UPB1: variants seen among roughly 807,000 people sequenced by gnomAD.
UPB1 encodes beta-ureidopropionase.
In UPB1, 40 loss-of-function variants were observed where a neutral mutation model predicts 49.1. The ratio of observed to expected loss-of-function variants is 0.81; its 90% CI spans 0.63 to 1.06. UPB1 has a LOEUF of 1.06. Among genes scored for constraint, UPB1 ranks in the 50% least tolerant of loss-of-function variants. The pLI is 0.00. For missense variants in UPB1, 499 were observed against 505.9 expected (o/e 0.99, Z 0.13); for synonymous variants, 207 against 198.2 (o/e 1.04, Z -0.38).
At chr22:24,513,733 A>G (rs1188718706) in intron 5 of UPB1, among the ~76,000 whole-genome samples, 1 of 152,230 alleles carries the variant, frequency 6.6e-6, no homozygotes, top group Non-Finnish European at 1.5e-5. Flanking sequence ...AATGGGGCAT[A>G]TATTTTTTTA....
rs1050860697 is a variant in UPB1, at chr22:24,525,700, T to C, written c.1072-11T>C. ...CAGAACCTCTAAAGTACATCTGTGT[T>C]TTGCTTTCAGATGACGGGCAGGTAT... is the stretch of plus-strand genomic sequence containing the variant. On this transcript the variant is annotated splice_polypyrimidine_tract_variant and intron_variant, in intron 9 of 9. Transcript: ENST00000326010. 6 of 1,614,000 alleles carry C rather than the reference T, an allele frequency of 3.7e-6. No homozygotes were observed. The African/African-American group carries it at 8.0e-5, about 22-fold the overall frequency.
intron 9 of UPB1, 78 bp downstream of exon 9, chr22:24,523,851 G>C: frequency 6.2e-7 from 1 of 1,604,492 alleles, no homozygotes; most frequent in East Asian, 2.2e-5. Context: ...GCTGTTGCGG[G>C]GTTGCCCATG....
chr22:24,502,109 C>A lies in UPB1; in HGVS notation c.277-17C>A, dbSNP rs765696813. On this transcript the variant is annotated splice_polypyrimidine_tract_variant and intron_variant, in intron 2 of 9. Coordinates refer to ENST00000326010, the MANE Select transcript of UPB1 (RefSeq NM_016327.3). ...CCAATAGAACTAAATGGATTCTAATCCTTTTTAAATTCTCAGGTCTCTGCC... is the reference window on the plus strand; with the variant it reads ...CCAATAGAACTAAATGGATTCTAATACTTTTTAAATTCTCAGGTCTCTGCC... The A allele has an allele frequency of 2.5e-6, 4 of 1,613,850 alleles. 1 individual carries two copies. The South Asian group carries it at 3.3e-5, about 13-fold the overall frequency.
At position 24,502,122 on chromosome 22, in the gene UPB1, T is replaced by G. The variant is rs753071301; in HGVS notation, c.277-4T>G. On this transcript the variant is annotated splice_region_variant and splice_polypyrimidine_tract_variant and intron_variant, in intron 2 of 9. Coordinates refer to ENST00000326010, the MANE Select transcript of UPB1 (RefSeq NM_016327.3). ...ATGGATTCTAATCCTTTTTAAATTC[T>G]CAGGTCTCTGCCCTTCATAGACGCA... The G allele has an allele frequency of 6.2e-7, 1 of 1,614,170 alleles. No homozygotes were observed. Among genetic ancestry groups the G allele is most frequent in the Non-Finnish European group, 8.5e-7 (1 of 1,179,996 alleles).
chr22:24,514,285 A>G (rs980621609), intron 5 of UPB1, among the ~76,000 whole-genome samples: 3 of 152,098 alleles, frequency 2.0e-5, no homozygotes, highest in African/African-American at 4.8e-5. Context: ...CCAGGGAGAA[A>G]GAAGAACCCA....
chr22:24,513,545 A>T, intron 5 of UPB1, 60 bp downstream of exon 5: 1 of 1,575,560 alleles, frequency 6.3e-7, no homozygotes, highest in East Asian at 2.3e-5. Context: ...TATGTTGTAG[A>T]TCTCTGTGGG....
In UPB1 at chr22:24,509,361, GAAAAAAAAAAAAAAA is replaced by G. The variant is rs202081655; in HGVS notation, c.365-1367_365-1353del. On this transcript the variant is annotated intron_variant, in intron 3 of 9. Transcript: ENST00000326010. ...ATCTGTGTGTATGTACCTACTGTTT[GAAAAAAAAAAAAAAA>G]AAAAAAAAAAAAAAAAAAAAGCAAA... 7.0e-3 allele frequency among the ~76,000 whole-genome samples: 649 copies of G among 92,168 alleles called. 4 individuals carry two copies. Among genetic ancestry groups the G allele is most frequent in the African/African-American group, 0.025 (542 of 21,338 alleles). 60.5% of individuals were successfully genotyped at this position (92,168 alleles called of 152,430 possible).
In UPB1 at chr22:24,525,692, A is replaced by G. The variant is rs767330816; in HGVS notation, c.1072-19A>G. ...TATAAAACCAGAACCTCTAAAGTAC[A>G]TCTGTGTTTTGCTTTCAGATGACGG... On this transcript the variant is annotated intron_variant, in intron 9 of 9. Coordinates refer to ENST00000326010, the MANE Select transcript of UPB1 (RefSeq NM_016327.3). 3.1e-6 allele frequency: 5 copies of G among 1,614,016 alleles called. No homozygotes were observed. The highest frequency in any genetic ancestry group is 3.4e-6 in the Non-Finnish European group (4 of 1,179,946).
intron 6 of UPB1, among the ~76,000 whole-genome samples, chr22:24,517,455 T>C (rs140335): frequency 0.57 from 86,272 of 152,082 alleles, 26,346 homozygotes; most frequent in African/African-American, 0.8. Context: ...AGCTCCATCT[T>C]CCCACTGGGG....
At chr22:24,502,662 G>A in intron 3 of UPB1, 1 of 628,252 alleles carries the variant, frequency 1.6e-6, no homozygotes, top group Non-Finnish European at 2.8e-6. Flanking sequence ...AGTCAGATGG[G>A]TGTACAAGGT....
At chr22:24,518,851 C>T (rs868737858) in intron 6 of UPB1, among the ~76,000 whole-genome samples, 56 of 152,156 alleles carry the variant, frequency 3.7e-4, no homozygotes, top group African/African-American at 1.3e-3. Context: ...CTTTCCACTG[C>T]GATTATTTTT....
At chr22:24,513,538 G>A in intron 5 of UPB1, 53 bp downstream of exon 5, 6 of 1,585,600 alleles carry the variant, frequency 3.8e-6, no homozygotes, top group South Asian at 2.3e-5. Context: ...CCCTCTGTAT[G>A]TTGTAGATCT....
At chr22:24,502,577 C>G (rs544716426) in intron 3 of UPB1, 18 of 767,084 alleles carry the variant, frequency 2.3e-5, no homozygotes, top group East Asian at 4.9e-5. Context: ...AGCCAGCCCC[C>G]CCATCTAAAC....
Position 24,525,944 on chromosome 22 carries a change from G to A in UPB1, c.*150G>A, listed in dbSNP as rs1036225839. 5 of 927,246 alleles carry A rather than the reference G, an allele frequency of 5.4e-6. No individual in the cohort carries two copies. The Admixed American group carries it at 7.9e-5, about 15-fold the overall frequency. The allele number at this position is 927,246 out of a possible 1,614,324, so 57.4% of individuals were successfully genotyped here. On this transcript the variant is annotated 3_prime_UTR_variant, in exon 10 of 10. Transcript: ENST00000326010. ...AGGCAGGGGGAGAGTGGCATGGGGA[G>A]TGACTTCTTAATGGGTAAGGGGCTG...
At chr22:24,503,246 T>C (rs1002860632) in intron 3 of UPB1, 3 of 152,358 alleles carry the variant, frequency 2.0e-5, no homozygotes, top group African/African-American at 7.2e-5. Flanking sequence ...AGTCTATCAG[T>C]TTCATCTCCT....
At chr22:24,522,798 G>T (rs2044418307) in intron 8 of UPB1, among the ~76,000 whole-genome samples, 1 of 151,108 alleles carries the variant, frequency 6.6e-6, no homozygotes, top group Non-Finnish European at 1.5e-5. Flanking sequence ...CAAAAAATTA[G>T]CCGGGCATGG....
intron 1 of UPB1, among the ~76,000 whole-genome samples, chr22:24,497,924 C>T (rs2043922264): frequency 6.6e-6 from 1 of 152,164 alleles, no homozygotes; most frequent in African/African-American, 2.4e-5. Flanking sequence ...AGCCTGTGGT[C>T]TCACACCAGG....
In UPB1 at chr22:24,495,462, C is replaced by T. The variant is rs375863821; in HGVS notation, c.59C>T (p.Pro20Leu). 5 of 1,613,958 alleles carry T rather than the reference C, an allele frequency of 3.1e-6. No individual in the cohort carries two copies. The African/African-American group carries it at 6.7e-5, about 22-fold the overall frequency. The stretch of plus-strand genomic sequence containing the variant: ...TGCTTGGAGAAGCACCTGCCGCTCC[C>T]CGACTTGCAGGAAGTGAAGCGCGTT... ...EECLEKHLPL[P>L]DLQEVKRVLY... The change falls in exon 1 of 10, where the codon CCC (proline) becomes CTC (leucine). Residue 20 changes from proline to leucine, a missense_variant. By Grantham distance (98) the Pro-to-Leu change is moderately conservative (BLOSUM62 -3). Transcript: ENST00000326010.
chr22:24,495,683 G>A (rs1050858275), intron 1 of UPB1, among the ~76,000 whole-genome samples, 176 bp downstream of exon 1: 1 of 152,104 alleles, frequency 6.6e-6, no homozygotes, highest in Non-Finnish European at 1.5e-5. Flanking sequence ...GTCCTTGGGG[G>A]TTGCAGAATC....
Sources: allele counts gnomAD v4.1 joint callset (sites outside exome capture counted in the v4.1 genomes callset), GRCh38; gene constraint gnomAD v4.1.1; transcripts MANE v1.5; gene names NCBI Gene and HGNC (gene_info 2026-07-23, HGNC 2026-07-21).